The following USH2A variants were observed in gnomAD, a reference collection of about 807,000 sequenced individuals.
The protein encoded by USH2A is Usher syndrome 2A (autosomal recessive, mild).
A neutral mutation model predicts 538.9 loss-of-function variants in USH2A; 443 were observed. The observed-to-expected ratio is 0.82, with a 90% CI of 0.76 to 0.89. The LOEUF is 0.89. Among genes scored for constraint, USH2A ranks in the 40% least tolerant of loss-of-function variants. USH2A has a pLI of 0.00. For missense variants in USH2A, 6,633 were observed against 6,324.8 expected (o/e 1.05, Z -1.65); for synonymous variants, 2,413 against 2,273.5 (o/e 1.06, Z -1.75).
chr1:215,909,264 G>C (rs1326548621), intron 38 of USH2A, among the ~76,000 whole-genome samples: 1 of 151,868 alleles, frequency 6.6e-6, no homozygotes, highest in African/African-American at 2.4e-5. Flanking sequence ...GATAAAAAGT[G>C]ATCAGAGTTT....
chr1:216,207,396 G>C lies in USH2A; in HGVS notation c.3193C>G (p.Gln1065Glu), dbSNP rs2035138863. 2.5e-6 allele frequency: 4 copies of C among 1,614,018 alleles called. No homozygotes were observed. The highest frequency in any genetic ancestry group is 3.4e-6 in the Non-Finnish European group (4 of 1,179,944). ...FQQPPPRGQV[Q>E]SSSAINLSWS... ...GAGAGATTGATAGCAGAAGAACTTT[G>C]AACTTGTCCTCTGGGCGGAGGTTGC... Residue 1065 changes from glutamine to glutamate, a missense_variant, in exon 16 of 72, where the codon CAA becomes GAA. Transcript: ENST00000307340.
chr1:215,742,754 T>C (rs962728118), intron 59 of USH2A, among the ~76,000 whole-genome samples: 5 of 152,188 alleles, frequency 3.3e-5, no homozygotes, highest in African/African-American at 1.2e-4. Context: ...ATAAAATATA[T>C]AGGATTCATT....
chr1:215,676,556 T>C (rs565619323), intron 62 of USH2A, among the ~76,000 whole-genome samples: 2 of 152,246 alleles, frequency 1.3e-5, no homozygotes, highest in South Asian at 4.1e-4. Flanking sequence ...TTCCCAGAAG[T>C]GGTTCTTGGG....
chr1:216,232,447 TCA>T (rs2035718212), intron 13 of USH2A, among the ~76,000 whole-genome samples: 1 of 152,204 alleles, frequency 6.6e-6, no homozygotes, highest in African/African-American at 2.4e-5. Flanking sequence ...ATATTACCAG[TCA>T]TTCAGTTGCT....
chr1:215,975,584 T>C (rs530363264), intron 35 of USH2A, among the ~76,000 whole-genome samples: 71 of 152,314 alleles, frequency 4.7e-4, no homozygotes, highest in Admixed American at 1.3e-3. Context: ...CCTTTCTCCA[T>C]TGATTATTTT....
intron 36 of USH2A, 136 bp downstream of exon 36, chr1:215,970,489 T>C (rs1167397942): frequency 8.9e-7 from 1 of 1,128,908 alleles, no homozygotes; most frequent in Non-Finnish European, 1.3e-6. Context: ...AATGAACTTT[T>C]ATAAAAAGAA....
chr1:215,632,366 A>G lies in USH2A; in HGVS notation c.15297+2093T>C, dbSNP rs942867912. ...GACAAAACGAAGCTTAACAAGACTC[A>G]TTAAAACCCTGAGCAATGGGGTTAT... On this transcript the variant is annotated intron_variant, in intron 70 of 71. Coordinates refer to ENST00000307340, the MANE Select transcript of USH2A (RefSeq NM_206933.4). 2.0e-5 allele frequency among the ~76,000 whole-genome samples: 3 copies of G among 152,226 alleles called. No homozygotes were observed. The East Asian group carries it at 5.8e-4, about 29-fold the overall frequency.
chr1:215,901,187 G>A (rs952411064), intron 38 of USH2A: 7 of 447,092 alleles, frequency 1.6e-5, no homozygotes, highest in Non-Finnish European at 2.9e-5. Context: ...TTATCTAATT[G>A]AAAACATGGA....
rs1660305593 is a variant in USH2A, at chr1:215,741,544, A to C, written c.11549-7T>G. ...CTGCTAACTCCACAACTTCCTTGAA[A>C]AAAAAAAAATTGAGGTCTTTATTAT... On this transcript the variant is annotated splice_region_variant and splice_polypyrimidine_tract_variant and intron_variant, in intron 59 of 71. Coordinates refer to ENST00000307340, the MANE Select transcript of USH2A (RefSeq NM_206933.4). 6.2e-7 allele frequency: 1 copy of C among 1,611,504 alleles called. No homozygotes were observed. The highest frequency in any genetic ancestry group is 8.5e-7 in the Non-Finnish European group (1 of 1,179,000).
intron 46 of USH2A, among the ~76,000 whole-genome samples, chr1:215,839,406 A>G (rs562777873): frequency 3.0e-4 from 46 of 152,322 alleles, no homozygotes; most frequent in Non-Finnish European, 5.9e-4. Context: ...ACTCCATTTA[A>G]ACAAATTTGC....
At chr1:215,635,940 G>C (rs556956113) in intron 69 of USH2A, among the ~76,000 whole-genome samples, 1 of 150,326 alleles carries the variant, frequency 6.7e-6, no homozygotes, top group Non-Finnish European at 1.5e-5. Flanking sequence ...AAATTATGTT[G>C]TCAGCTTGGC....
In USH2A at chr1:216,072,967, A is replaced by G; in HGVS notation, c.5779T>C (p.Tyr1927His). The G allele has an allele frequency of 6.2e-7, 1 of 1,613,992 alleles. No homozygotes were observed. Among genetic ancestry groups the G allele is most frequent in the Non-Finnish European group, 8.5e-7 (1 of 1,179,866 alleles). Residue 1927 changes from tyrosine to histidine, a missense_variant and splice_region_variant, in exon 29 of 72, where the codon TAC (tyrosine) becomes CAC (histidine). By Grantham distance (83) the Tyr-to-His change is moderately conservative. Transcript: ENST00000307340. ...YEGGLQPFTE[Y>H]LYRVIASHEG... ...TGCGAGGCTATCACTCGATACAGGT[A>G]TTCTTAAATGGAAATAAGATGCAGC...
intron 18 of USH2A, 48 bp from the exon 19 acceptor site, chr1:216,196,770 C>A (rs2034856970): frequency 6.3e-7 from 1 of 1,576,352 alleles, no homozygotes; most frequent in Non-Finnish European, 8.7e-7. Flanking sequence ...GAATGTCGTC[C>A]CTATATATTT....
chr1:216,245,284 A>G (rs988317632), intron 13 of USH2A, among the ~76,000 whole-genome samples: 3 of 152,178 alleles, frequency 2.0e-5, no homozygotes, highest in Non-Finnish European at 2.9e-5. Flanking sequence ...CCTGGCCACA[A>G]TGAATTGGCT....
chr1:216,320,473 G>A (rs1436807818), intron 9 of USH2A, among the ~76,000 whole-genome samples: 1 of 152,090 alleles, frequency 6.6e-6, no homozygotes. Flanking sequence ...TTTTCAGAAT[G>A]ACAGCAATTA....
intron 30 of USH2A, among the ~76,000 whole-genome samples, chr1:216,059,857 G>A (rs2031114523): frequency 6.6e-6 from 1 of 152,106 alleles, no homozygotes; most frequent in Non-Finnish European, 1.5e-5. Flanking sequence ...AGAGTGGGAG[G>A]GGGCTGGTTG....
intron 26 of USH2A, among the ~76,000 whole-genome samples, chr1:216,082,271 G>A (rs12088472): frequency 5.4e-5 from 8 of 147,564 alleles, no homozygotes; most frequent in African/African-American, 1.0e-4. Flanking sequence ...TAGACATTAC[G>A]TTTCAGCGAA....
intron 43 of USH2A, among the ~76,000 whole-genome samples, chr1:215,873,105 C>T (rs182680849): frequency 1.3e-4 from 19 of 151,676 alleles, no homozygotes; most frequent in African/African-American, 4.1e-4. Flanking sequence ...AAAAGGACAT[C>T]GTGTAGGGCA....
At position 215,867,136 on chromosome 1, in the gene USH2A, T is replaced by A. The variant is rs1428006933; in HGVS notation, c.8716A>T (p.Asn2906Tyr). 3.7e-6 allele frequency: 6 copies of A among 1,614,002 alleles called. No individual in the cohort carries two copies. The highest frequency in any genetic ancestry group is 5.1e-6 in the Non-Finnish European group (6 of 1,180,004). Reference sequence around the variant, plus strand: ...CGGCTCGGTGTAAAACCCACACTGTTGTGTACGAAGAGCATATATTCATAG... The same window carrying A: ...CGGCTCGGTGTAAAACCCACACTGTAGTGTACGAAGAGCATATATTCATAG... The part of the protein sequence containing the change: ...TTYEYMLFVH[N>Y]SVGFTPSREV... The change falls in exon 44 of 72, where the codon AAC (asparagine) becomes TAC (tyrosine). Residue 2906 changes from asparagine (N) to tyrosine (Y), a missense_variant. Asn to Tyr is a moderately radical substitution (Grantham distance 143, BLOSUM62 -2). Coordinates refer to ENST00000307340, the MANE Select transcript of USH2A (RefSeq NM_206933.4).
Sources: allele counts gnomAD v4.1 joint callset (sites outside exome capture counted in the v4.1 genomes callset), GRCh38; gene constraint gnomAD v4.1.1; transcripts MANE v1.5; gene names NCBI Gene and HGNC (gene_info 2026-07-23, HGNC 2026-07-21).